BANP: variants seen among roughly 807,000 people sequenced by gnomAD.
BANP encodes BTG3 associated nuclear protein.
Under a neutral mutation model 68.1 loss-of-function variants are expected in BANP, and 11 were observed. That is an observed-to-expected ratio of 0.16 (90% confidence interval 0.10 to 0.27). The LOEUF (loss-of-function observed/expected upper bound fraction) is 0.27, where lower values mean the gene tolerates loss of function less well. BANP is among the 10% of genes least tolerant of loss of function. BANP has a pLI of 1.00. For missense variants in BANP, 504 were observed against 722.7 expected (o/e 0.70, Z 3.47); for synonymous variants, 329 against 303.2 (o/e 1.09, Z -0.88).
At chr16:87,976,938 C>T (rs1027504071) in intron 2 of BANP, among the ~76,000 whole-genome samples, 2 of 152,144 alleles carry the variant, frequency 1.3e-5, no homozygotes, top group African/African-American at 4.8e-5. Context: ...GAAAGTGTTC[C>T]AGTTACATCA....
At chr16:88,020,275 G>C (rs543085800) in intron 7 of BANP, among the ~76,000 whole-genome samples, 7 of 152,354 alleles carry the variant, frequency 4.6e-5, no homozygotes, top group African/African-American at 1.2e-4. Context: ...CATGGTCGTG[G>C]ATGTGCTCCA....
At chr16:88,048,648 G>A (rs2082548529) in intron 11 of BANP, among the ~76,000 whole-genome samples, 2 of 151,584 alleles carry the variant, frequency 1.3e-5, no homozygotes, top group South Asian at 4.2e-4. Flanking sequence ...AAAGGAGGTG[G>A]ATTCTAACAG....
rs113958743 is a variant in BANP at position 88,010,384 on chromosome 16, G to C, written c.655+4119G>C. ...GTGGTTGAATTCTAATTGAATTATTGCCAGGAATTGGTCCCATGGACTTCC... is the reference window on the plus strand; with the variant it reads ...GTGGTTGAATTCTAATTGAATTATTCCCAGGAATTGGTCCCATGGACTTCC... On this transcript the variant is annotated intron_variant, in intron 6 of 13. Transcript: ENST00000682872. Among the ~76,000 whole-genome samples the C allele has an allele frequency of 5.7e-3, 862 of 152,244 alleles. 10 individuals are homozygous for C. The highest frequency in any genetic ancestry group is 0.019 in the African/African-American group (809 of 41,532).
chr16:87,997,682 C>G (rs796957260), intron 4 of BANP, among the ~76,000 whole-genome samples: 2 of 149,050 alleles, frequency 1.3e-5, no homozygotes, highest in Non-Finnish European at 3.0e-5. Flanking sequence ...ACCATGTGTT[C>G]GTGGTAAAGT....
chr16:88,051,829 C>G lies in BANP; in HGVS notation c.1312-13438C>G, dbSNP rs1276829581. 2.6e-5 allele frequency among the ~76,000 whole-genome samples: 4 copies of G among 152,160 alleles called. No homozygotes were observed. The East Asian group carries it at 7.7e-4, about 29-fold the overall frequency. On this transcript the variant is annotated intron_variant, in intron 11 of 13. Transcript: ENST00000682872. ...AATTGTTAAATAGACTTACAGTTTTCTTTCCTATATTAAAAAATCTAGATT... is the reference window on the plus strand; with the variant it reads ...AATTGTTAAATAGACTTACAGTTTTGTTTCCTATATTAAAAAATCTAGATT...
At chr16:88,076,244 A>G (rs1026406219) in intron 13 of BANP, among the ~76,000 whole-genome samples, 6 of 152,198 alleles carry the variant, frequency 3.9e-5, no homozygotes, top group African/African-American at 1.4e-4. Flanking sequence ...CGGGAGGGCC[A>G]GGATGTTCTC....
In BANP at chr16:87,970,127, G is replaced by A. The variant is rs1300396724; in HGVS notation, c.-68-4921G>A. ...TTTGCCACATTGGCCAGGCTGACAGGTGATCCACCCGCCTTGGCCTTCCAA... is the reference window on the plus strand; with the variant it reads ...TTTGCCACATTGGCCAGGCTGACAGATGATCCACCCGCCTTGGCCTTCCAA... On this transcript the variant is annotated intron_variant, in intron 1 of 13. Transcript: ENST00000682872. 6 of 152,250 alleles carry A rather than the reference G, an allele frequency of 3.9e-5. No homozygotes were observed. In the East Asian group the frequency reaches 1.2e-3, roughly 29 times the overall value. 9.4% of individuals were successfully genotyped at this position (152,250 alleles called of 1,614,324 possible).
chr16:87,951,751 C>T (rs1277757520), intron 1 of BANP, among the ~76,000 whole-genome samples: 3 of 151,500 alleles, frequency 2.0e-5, no homozygotes, highest in Admixed American at 1.3e-4. Flanking sequence ...CCGGCCCCAC[C>T]GCGCCCGGCG....
At chr16:88,028,570 G>A (rs1019056181) in intron 8 of BANP, among the ~76,000 whole-genome samples, 6 of 152,210 alleles carry the variant, frequency 3.9e-5, no homozygotes, top group Non-Finnish European at 5.9e-5. Flanking sequence ...CTAAAGCAGC[G>A]CTTTATTGAG....
chr16:88,025,251 G>A (rs1483122282), intron 7 of BANP, among the ~76,000 whole-genome samples: 1 of 152,110 alleles, frequency 6.6e-6, no homozygotes, highest in Admixed American at 6.5e-5. Flanking sequence ...TAACTATGGT[G>A]CAACCTCTGG....
chr16:88,062,711 G>A (rs1319633567), intron 11 of BANP, among the ~76,000 whole-genome samples: 1 of 152,196 alleles, frequency 6.6e-6, no homozygotes, highest in African/African-American at 2.4e-5. Context: ...TTCCAGAGCT[G>A]GTTTGGAAAT....
rs183757477 is a variant in BANP, at chr16:87,994,023, G to C, written c.362+9764G>C. Among the ~76,000 whole-genome samples the C allele has an allele frequency of 6.3e-3, 961 of 152,238 alleles. 7 individuals are homozygous for C. Among genetic ancestry groups the C allele is most frequent in the African/African-American group, 0.021 (886 of 41,518 alleles). On this transcript the variant is annotated intron_variant, in intron 4 of 13. Transcript: ENST00000682872. ...AAGATGACGTTAGAGACCAGGATGC[G>C]GTGTTTGGAGGGCCCTGGCGTTAGA...
intron 11 of BANP, among the ~76,000 whole-genome samples, chr16:88,049,524 C>G (rs1163432091): frequency 6.6e-6 from 1 of 152,102 alleles, no homozygotes; most frequent in African/African-American, 2.4e-5. Flanking sequence ...GCAGGACCCT[C>G]TCATGGGAGG....
chr16:87,973,765 A>AG (rs1311245461), intron 1 of BANP, among the ~76,000 whole-genome samples: 2,147 of 147,220 alleles, frequency 0.015, 83 homozygotes, highest in African/African-American at 0.049. Context: ...AAAAAAAAAA[A>AG]AAAAAAAAAG....
chr16:88,066,373 G>C (rs755285232), intron 12 of BANP, among the ~76,000 whole-genome samples: 4 of 152,206 alleles, frequency 2.6e-5, no homozygotes, highest in Non-Finnish European at 4.4e-5. Flanking sequence ...GTTTGGTGTC[G>C]TTTCTCTCTG....
At chr16:88,008,133 A>C (rs945174535) in intron 6 of BANP, among the ~76,000 whole-genome samples, 2 of 152,156 alleles carry the variant, frequency 1.3e-5, no homozygotes. Flanking sequence ...CATCACCCAC[A>C]TTGTAGCTTT....
intron 12 of BANP, among the ~76,000 whole-genome samples, chr16:88,067,125 T>G (rs991916106): frequency 2.0e-5 from 3 of 152,202 alleles, no homozygotes; most frequent in African/African-American, 7.2e-5. Flanking sequence ...CCCAGGTGTG[T>G]GGGGGAAGGT....
At chr16:87,979,782 C>T (rs943815554) in intron 2 of BANP, among the ~76,000 whole-genome samples, 2 of 152,170 alleles carry the variant, frequency 1.3e-5, no homozygotes, top group African/African-American at 4.8e-5. Context: ...TACTGGCATT[C>T]ATTTTTGTAA....
At chr16:87,955,773 A>G (rs777885946) in intron 1 of BANP, among the ~76,000 whole-genome samples, 39 of 152,224 alleles carry the variant, frequency 2.6e-4, no homozygotes, top group Non-Finnish European at 3.5e-4. Flanking sequence ...ACCATCAGTC[A>G]TAAGACGTTG....
Sources: allele counts gnomAD v4.1 joint callset (sites outside exome capture counted in the v4.1 genomes callset), GRCh38; gene constraint gnomAD v4.1.1; transcripts MANE v1.5; gene names NCBI Gene and HGNC (gene_info 2026-07-23, HGNC 2026-07-21).